Variants in SLC6A11 observed in about 807,000 individuals in gnomAD.
SLC6A11 encodes solute carrier family 6 member 11.
A neutral mutation model predicts 74.8 loss-of-function variants in SLC6A11; 25 were observed. That is an observed-to-expected ratio of 0.33 (90% CI 0.24 to 0.47). The LOEUF is 0.47. Ranked by LOEUF, SLC6A11 falls within the 20% of genes least tolerant of loss-of-function variation. The pLI is 1.00. For missense variants in SLC6A11, 574 were observed against 837.0 expected, an observed-to-expected ratio of 0.69 and a Z score of 3.88; for synonymous variants, 330 against 330.2, an observed-to-expected ratio of 1.00 and a Z score of 0.01.
intron 6 of SLC6A11, among the ~76,000 whole-genome samples, chr3:10,876,767 AG>A (rs1694913795): frequency 1.2e-4 from 1 of 8,616 alleles, no homozygotes; most frequent in African/African-American, 1.9e-4. Context: ...CCTCCCACAC[AG>A]AGAGAGAGAG....
chr3:10,869,729 C>T (rs973321313), intron 5 of SLC6A11, among the ~76,000 whole-genome samples: 15 of 152,152 alleles, frequency 9.9e-5, no homozygotes, highest in Admixed American at 2.6e-4. Flanking sequence ...ACCTTGAATG[C>T]GAGGCTGAGG....
intron 6 of SLC6A11, among the ~76,000 whole-genome samples, chr3:10,910,695 T>C (rs1335498699): frequency 2.0e-5 from 3 of 152,262 alleles, no homozygotes; most frequent in African/African-American, 7.2e-5. Context: ...CAGTCCTCCA[T>C]GGACTTGCAT....
intron 4 of SLC6A11, among the ~76,000 whole-genome samples, chr3:10,834,353 T>G (rs1694339175): frequency 8.2e-6 from 1 of 122,460 alleles, no homozygotes; most frequent in Admixed American, 7.6e-5. Flanking sequence ...TTTTTTTTTG[T>G]TTTTTTTTTC....
At chr3:10,892,277 C>T (rs1018361457) in intron 6 of SLC6A11, among the ~76,000 whole-genome samples, 1 of 152,254 alleles carries the variant, frequency 6.6e-6, no homozygotes, top group Non-Finnish European at 1.5e-5. Flanking sequence ...GTGCTGAGTC[C>T]TGCATAATGT....
intron 4 of SLC6A11, among the ~76,000 whole-genome samples, chr3:10,836,380 G>T (rs1291166686): frequency 9.9e-5 from 15 of 152,190 alleles, no homozygotes; most frequent in Non-Finnish European, 2.9e-5. Flanking sequence ...TTATATTCAG[G>T]AGAGAAATTG....
At chr3:10,905,600 C>T (rs1695292685) in intron 6 of SLC6A11, among the ~76,000 whole-genome samples, 2 of 152,176 alleles carry the variant, frequency 1.3e-5, no homozygotes, top group East Asian at 1.9e-4. Context: ...ACAAATACAC[C>T]ACCTCACTGA....
chr3:10,820,856 C>G (rs1463487161), intron 3 of SLC6A11, among the ~76,000 whole-genome samples: 1 of 152,204 alleles, frequency 6.6e-6, no homozygotes, highest in African/African-American at 2.4e-5. Context: ...GACCTATTCA[C>G]CATCTGTATG....
intron 5 of SLC6A11, among the ~76,000 whole-genome samples, chr3:10,859,504 G>C (rs1295493962): frequency 6.6e-6 from 1 of 152,206 alleles, no homozygotes; most frequent in Admixed American, 6.5e-5. Context: ...AGAGATATTT[G>C]GGTAGCAGAC....
intron 4 of SLC6A11, among the ~76,000 whole-genome samples, chr3:10,834,700 G>A (rs972919874): frequency 3.3e-5 from 5 of 152,188 alleles, no homozygotes; most frequent in African/African-American, 1.2e-4. Context: ...CAGGATGGGG[G>A]AGAAGCGCCA....
intron 6 of SLC6A11, among the ~76,000 whole-genome samples, chr3:10,879,916 AACCTGTACATAC>A (rs1694954157): frequency 6.6e-6 from 1 of 152,138 alleles, no homozygotes; most frequent in African/African-American, 2.4e-5. Context: ...AGACATACTC[AACCTGTACATAC>A]ATACATACAC....
At chr3:10,828,764 C>T (rs1471226305) in intron 4 of SLC6A11, among the ~76,000 whole-genome samples, 1 of 152,210 alleles carries the variant, frequency 6.6e-6, no homozygotes, top group African/African-American at 2.4e-5. Flanking sequence ...ACACCCCAGT[C>T]CCTCTCAACC....
At chr3:10,935,360 C>G in intron 13 of SLC6A11, 161 bp downstream of exon 13, 1 of 632,648 alleles carries the variant, frequency 1.6e-6, no homozygotes. Flanking sequence ...CATGGTTGTG[C>G]CCAAGGTGTC....
intron 4 of SLC6A11, among the ~76,000 whole-genome samples, chr3:10,835,718 C>T (rs1485630935): frequency 6.6e-6 from 1 of 152,152 alleles, no homozygotes; most frequent in African/African-American, 2.4e-5. Context: ...TTCTGTGGAG[C>T]CTGAGTTTCC....
chr3:10,921,292 A>G (rs183252662), intron 8 of SLC6A11, among the ~76,000 whole-genome samples: 54 of 152,302 alleles, frequency 3.5e-4, no homozygotes, highest in African/African-American at 1.3e-3. Flanking sequence ...GTCCACTTGT[A>G]TTTTGTAATG....
chr3:10,929,771 G>C (rs1559587572), intron 10 of SLC6A11, among the ~76,000 whole-genome samples: 2 of 152,276 alleles, frequency 1.3e-5, no homozygotes, highest in Admixed American at 1.3e-4. Context: ...TGATGATATT[G>C]GCACCTTTGG....
chr3:10,833,625 T>C (rs909998430), intron 4 of SLC6A11, among the ~76,000 whole-genome samples: 1 of 152,180 alleles, frequency 6.6e-6, no homozygotes, highest in Non-Finnish European at 1.5e-5. Flanking sequence ...GACCTGGGCT[T>C]TGGGGCCAAC....
At chr3:10,853,553 G>A (rs969051631) in intron 5 of SLC6A11, among the ~76,000 whole-genome samples, 15 of 152,140 alleles carry the variant, frequency 9.9e-5, no homozygotes, top group African/African-American at 3.4e-4. Context: ...GAGCTCGAGT[G>A]GAGGAATTGG....
chr3:10,935,419 C>T, intron 13 of SLC6A11: 1 of 546,824 alleles, frequency 1.8e-6, no homozygotes, highest in Non-Finnish European at 3.3e-6. Flanking sequence ...CAGCCTCTGT[C>T]TTCCTGTCTG....
rs184140280 is a variant in SLC6A11, at chr3:10,872,324, A to G, written c.757-2637A>G. Among the ~76,000 whole-genome samples, 407 of 152,328 alleles carry G rather than the reference A, an allele frequency of 2.7e-3. 2 individuals are homozygous for G. Among genetic ancestry groups the G allele is most frequent in the Non-Finnish European group, 4.9e-3 (336 of 68,026 alleles). On this transcript the variant is annotated intron_variant, in intron 5 of 13. Transcript: ENST00000254488. ...TGAATGTTTCATGTGTGGAAGTGCT[A>G]AGTAAATGCAGCCATTGTTATTATC... is the stretch of plus-strand genomic sequence containing the variant.
Sources: gnomAD v4.1 joint callset for allele counts (sites outside exome capture counted in the v4.1 genomes callset) on GRCh38, gnomAD v4.1.1 for gene constraint, MANE v1.5 for transcripts, NCBI Gene and HGNC (gene_info 2026-07-23, HGNC 2026-07-21) for gene names.